The following WRNIP1 variants were observed in gnomAD, a reference collection of about 807,000 sequenced individuals.
WRNIP1 encodes WRN helicase interacting protein 1.
A neutral mutation model predicts 56.1 loss-of-function variants in WRNIP1; 41 were observed. That is an observed-to-expected ratio of 0.73 (90% confidence interval 0.57 to 0.95). The LOEUF (loss-of-function observed/expected upper bound fraction) is 0.95. WRNIP1 is among the 40% of genes least tolerant of loss of function. WRNIP1 has a pLI of 0.00. For missense variants in WRNIP1, 1,170 were observed against 939.4 expected (o/e 1.25, Z -3.21); for synonymous variants, 547 against 398.1 (o/e 1.37, Z -4.45).
chr6:2,769,460 C>T (rs1765181369), intron 2 of WRNIP1, among the ~76,000 whole-genome samples: 1 of 151,712 alleles, frequency 6.6e-6, no homozygotes, highest in Admixed American at 6.6e-5. Context: ...GAGAGCTATA[C>T]TCTAAATAAA....
At chr6:2,784,269 C>G in intron 5 of WRNIP1, 55 bp from the exon 6 acceptor site, 1 of 1,560,562 alleles carries the variant, frequency 6.4e-7, no homozygotes, top group Admixed American at 1.7e-5. Context: ...GCACATAGGC[C>G]AGGAGGACAG....
At position 2,768,872 on chromosome 6, in the gene WRNIP1, A is replaced by G. The variant is rs1765151051; in HGVS notation, c.1004A>G (p.Lys335Arg). ...ATTGATGAGATTCATCGGTTCAATA[A>G]ATCTCAGCAGGTATATTAACTTCCT... is the stretch of plus-strand genomic sequence containing the variant. ...LFIDEIHRFNKSQQDTFLPHV... is the reference protein window; with the variant it reads ...LFIDEIHRFNRSQQDTFLPHV... Residue 335 changes from lysine to arginine, a missense_variant, in exon 2 of 7, where the codon AAA becomes AGA. Transcript: ENST00000380773. The G allele has an allele frequency of 6.2e-6, 10 of 1,610,316 alleles. No homozygotes were observed. The highest frequency in any genetic ancestry group is 8.5e-6 in the Non-Finnish European group (10 of 1,178,320).
In WRNIP1 at chr6:2,766,297, G is replaced by A. The variant is rs773593982; in HGVS notation, c.675G>A (p.Lys225=). ...AGATCCGACAGATGCTACAGGGCAA[G>A]CCGCTGGCCGACACGATGCGTCCTG... The part of the protein sequence containing the change: ...AEEIRQMLQG[K]PLADTMRPDT... Residue 225 remains lysine, a synonymous_variant, in exon 1 of 7, where the codon AAG becomes AAA. Coordinates refer to ENST00000380773, the MANE Select transcript of WRNIP1 (RefSeq NM_020135.3). 2.5e-6 allele frequency: 4 copies of A among 1,606,560 alleles called. No homozygotes were observed. Among genetic ancestry groups the A allele is most frequent in the South Asian group, 1.1e-5 (1 of 89,884 alleles).
rs745994160 is a variant in WRNIP1, at chr6:2,770,384, C to T, written c.1256+23C>T. On this transcript the variant is annotated intron_variant, in intron 3 of 6. Coordinates refer to ENST00000380773, the MANE Select transcript of WRNIP1 (RefSeq NM_020135.3). ...AGAGTAAGTTGACAGTGTGCAGCGT[C>T]CTGGGGGCACACACCTCCCAGAGAG... 7 of 1,613,244 alleles carry T rather than the reference C, an allele frequency of 4.3e-6. No homozygotes were observed. The South Asian group carries it at 4.4e-5, about 10-fold the overall frequency.
At position 2,786,180 on chromosome 6, in the gene WRNIP1, G is replaced by A. The variant is rs990815446; in HGVS notation, c.*898G>A. 9 of 152,242 alleles carry A rather than the reference G, an allele frequency of 5.9e-5. No individual in the cohort carries two copies. Among genetic ancestry groups the A allele is most frequent in the Admixed American group, 4.6e-4 (7 of 15,278 alleles). 9.4% of individuals were successfully genotyped at this position (152,242 alleles called of 1,614,324 possible). A position where few individuals can be genotyped will look rare whatever the true frequency, so the allele number is the denominator to read the frequency against. ...ACAAGGATGGCCCCTTCAGGTAGTC[G>A]GTTCTCCTCCTGCTGTTGCGTGATC... On this transcript the variant is annotated 3_prime_UTR_variant, in exon 7 of 7. Transcript: ENST00000380773.
At chr6:2,778,269 A>T (rs1042786943) in intron 3 of WRNIP1, among the ~76,000 whole-genome samples, 2 of 152,188 alleles carry the variant, frequency 1.3e-5, no homozygotes, top group African/African-American at 4.8e-5. Flanking sequence ...TTTACTGTAG[A>T]TGTTCTCAGC....
chr6:2,772,932 C>G (rs947857320), intron 3 of WRNIP1: 1 of 978,796 alleles, frequency 1.0e-6, no homozygotes, highest in African/African-American at 1.7e-5. Flanking sequence ...TACTTTCTCT[C>G]TCCAGGAAGC....
At position 2,766,020 on chromosome 6, in the gene WRNIP1, G is replaced by A. The variant is rs1327800588; in HGVS notation, c.398G>A (p.Ser133Asn). ...GACTTCCCGGTGGCCCGCTCCAGCAGCCCCGGGAGGAAGGGGTCGGGGAAG... is the reference window on the plus strand; with the variant it reads ...GACTTCCCGGTGGCCCGCTCCAGCAACCCCGGGAGGAAGGGGTCGGGGAAG... Reference protein sequence around the residue: ...IPDFPVARSSSPGRKGSGKRP... With the variant: ...IPDFPVARSSNPGRKGSGKRP... Residue 133 changes from serine to asparagine, a missense_variant, in exon 1 of 7, where the codon AGC (serine) becomes AAC (asparagine). By Grantham distance (46) the Ser-to-Asn change is conservative. Coordinates refer to ENST00000380773, the MANE Select transcript of WRNIP1 (RefSeq NM_020135.3). 7.5e-7 allele frequency: 1 copy of A among 1,325,752 alleles called. No individual in the cohort carries two copies. The highest frequency in any genetic ancestry group is 9.6e-7 in the Non-Finnish European group (1 of 1,039,494). The allele number at this position is 1,325,752 out of a possible 1,614,324, so 82.1% of individuals were successfully genotyped here. A position where few individuals can be genotyped will look rare whatever the true frequency, so the allele number is the denominator to read the frequency against.
At chr6:2,772,035 T>C (rs1449433168) in intron 3 of WRNIP1, among the ~76,000 whole-genome samples, 2 of 152,198 alleles carry the variant, frequency 1.3e-5, no homozygotes, top group African/African-American at 4.8e-5. Context: ...TAATAATCAG[T>C]TGTTACTCAG....
Position 2,770,327 on chromosome 6 carries a change from G to T in WRNIP1, c.1222G>T (p.Asp408Tyr), listed in dbSNP as rs1042633434. ...IHVLDSSRPT[D>Y]PLSHSSNSSS... ...CGTCCTAGACTCTAGCCGTCCCACT[G>T]ACCCTCTGAGCCACAGCAGCAACAG... The change falls in exon 3 of 7, where the codon GAC becomes TAC. Residue 408 changes from aspartate (D) to tyrosine (Y), a missense_variant. Physicochemically the swap from Asp to Tyr is radical, Grantham distance 160. Coordinates refer to ENST00000380773, the MANE Select transcript of WRNIP1 (RefSeq NM_020135.3). 1.9e-6 allele frequency: 3 copies of T among 1,613,994 alleles called. No homozygotes were observed. The African/African-American group carries it at 4.0e-5, about 22-fold the overall frequency.
intron 3 of WRNIP1, among the ~76,000 whole-genome samples, chr6:2,779,009 A>G (rs142334794): frequency 6.6e-6 from 1 of 152,306 alleles, no homozygotes; most frequent in East Asian, 1.9e-4. Flanking sequence ...TTTCACACAG[A>G]CTTAGATGTA....
chr6:2,773,239 ATATGC>A (rs1269491896), intron 3 of WRNIP1: 1 of 985,338 alleles, frequency 1.0e-6, no homozygotes, highest in East Asian at 1.1e-4. Flanking sequence ...AAGCTCCTGC[ATATGC>A]TAGGCATTGG....
chr6:2,770,467 G>A lies in WRNIP1; in HGVS notation c.1256+106G>A, dbSNP rs998318849. On this transcript the variant is annotated intron_variant, in intron 3 of 6. Transcript: ENST00000380773. ...TCAGTGAGGAGAGGGTGGGGACAGA[G>A]AAGAAATGTTGATCCGCCCGTAATG... is the stretch of plus-strand genomic sequence containing the variant. The A allele has an allele frequency of 5.1e-5, 75 of 1,458,868 alleles. No individual in the cohort carries two copies. In the Middle Eastern group the frequency reaches 6.7e-4, roughly 13 times the overall value. The allele number at this position is 1,458,868 out of a possible 1,614,324, so 90.4% of individuals were successfully genotyped here. A position where few individuals can be genotyped will look rare whatever the true frequency, so the allele number is the denominator to read the frequency against.
In WRNIP1 at chr6:2,781,404, CAT is replaced by C. The variant is rs574382940; in HGVS notation, c.1486+1914_1486+1915del. The stretch of plus-strand genomic sequence containing the variant: ...CTGCCCCACAGTGGATCCGCAGACA[CAT>C]AAATATCATTCAGATCTTGGAGAAA... On this transcript the variant is annotated intron_variant, in intron 4 of 6. Transcript: ENST00000380773. Among the ~76,000 whole-genome samples the C allele has an allele frequency of 7.9e-5, 12 of 152,376 alleles. No individual in the cohort carries two copies. The South Asian group carries it at 2.3e-3, about 29-fold the overall frequency.
chr6:2,771,138 G>A lies in WRNIP1; in HGVS notation c.1256+777G>A, dbSNP rs906839508. ...TAATCTGGTGTGATGAGAGGCTATT[G>A]CCCACCTCCTCCTGCTGTGGACTCT... On this transcript the variant is annotated intron_variant, in intron 3 of 6. Coordinates refer to ENST00000380773, the MANE Select transcript of WRNIP1 (RefSeq NM_020135.3). Among the ~76,000 whole-genome samples, 2 of 152,144 alleles carry A rather than the reference G, an allele frequency of 1.3e-5. 1 individual carries two copies. Among genetic ancestry groups the A allele is most frequent in the Admixed American group, 1.3e-4 (2 of 15,272 alleles).
intron 3 of WRNIP1, 100 bp downstream of exon 3, chr6:2,770,461 G>A: frequency 2.0e-6 from 3 of 1,484,844 alleles, no homozygotes; most frequent in Non-Finnish European, 2.7e-6. Context: ...AGAGGGTGGG[G>A]ACAGAGAAGA....
chr6:2,765,478 G>A lies in WRNIP1; in HGVS notation c.-145G>A, dbSNP rs1029110836. 9.4e-7 allele frequency: 1 copy of A among 1,058,678 alleles called. No homozygotes were observed. The highest frequency in any genetic ancestry group is 1.7e-5 in the African/African-American group (1 of 59,784). 65.6% of individuals were successfully genotyped at this position (1,058,678 alleles called of 1,614,324 possible). A position where few individuals can be genotyped will look rare whatever the true frequency, so the allele number is the denominator to read the frequency against. On this transcript the variant is annotated 5_prime_UTR_variant, in exon 1 of 7. Transcript: ENST00000380773. ...GGAGCTGCGGACGTGAGGCATGAGCGGCGCCCTCCTCCGGCCCGCGAGCGT... is the reference window on the plus strand; with the variant it reads ...GGAGCTGCGGACGTGAGGCATGAGCAGCGCCCTCCTCCGGCCCGCGAGCGT...
rs149282625 is a variant in WRNIP1 at position 2,785,030 on chromosome 6, C to T, written c.1746C>T (p.Val582=). Residue 582 remains valine, a synonymous_variant, in exon 7 of 7, where the codon GTC becomes GTT. Coordinates refer to ENST00000380773, the MANE Select transcript of WRNIP1 (RefSeq NM_020135.3). ...ECEVLLAQCV[V]YFARAPKSIE... is the part of the protein sequence containing the mutation. ...AGGTGCTTCTGGCCCAGTGTGTGGT[C>T]TACTTTGCCAGAGCCCCAAAGTCCA... 5.6e-6 allele frequency: 9 copies of T among 1,614,018 alleles called. No individual in the cohort carries two copies. The African/African-American group carries it at 6.7e-5, about 12-fold the overall frequency.
chr6:2,782,476 C>G (rs938360597), intron 4 of WRNIP1, among the ~76,000 whole-genome samples: 1 of 152,242 alleles, frequency 6.6e-6, no homozygotes, highest in African/African-American at 2.4e-5. Context: ...AGCTCAGCTG[C>G]CAGGGTTTGT....
Sources: allele counts gnomAD v4.1 joint callset (sites outside exome capture counted in the v4.1 genomes callset), GRCh38; gene constraint gnomAD v4.1.1; transcripts MANE v1.5; gene names NCBI Gene and HGNC (gene_info 2026-07-23, HGNC 2026-07-21).